TRAPPC10: variants seen among roughly 807,000 people sequenced by gnomAD.
TRAPPC10 encodes TRAPP 130 kDa subunit.
In TRAPPC10, 23 loss-of-function variants were observed where a neutral mutation model predicts 125.5. The observed-to-expected ratio is 0.18, with a 90% confidence interval of 0.13 to 0.26. The LOEUF (loss-of-function observed/expected upper bound fraction) is 0.26, where lower values mean the gene tolerates loss of function less well. Among genes scored for constraint, TRAPPC10 ranks in the 10% least tolerant of loss-of-function variants. The pLI is 1.00. For synonymous variants in TRAPPC10, 509 were observed against 518.0 expected (o/e 0.98, Z 0.24); for missense variants, 1,123 against 1,308.4 (o/e 0.86, Z 2.19).
intron 3 of TRAPPC10, among the ~76,000 whole-genome samples, chr21:44,044,782 G>T (rs2034661499): frequency 6.7e-6 from 1 of 148,996 alleles, no homozygotes; most frequent in Non-Finnish European, 1.5e-5. Context: ...TCCTGCCTCA[G>T]CCTCTGAAGT....
At chr21:44,036,255 A>G (rs1569154003) in intron 2 of TRAPPC10, among the ~76,000 whole-genome samples, 2 of 152,262 alleles carry the variant, frequency 1.3e-5, no homozygotes, top group Admixed American at 6.5e-5. Flanking sequence ...AACCATTTAC[A>G]GTGCAACATA....
intron 2 of TRAPPC10, among the ~76,000 whole-genome samples, chr21:44,034,332 A>ACCCCCCCCCCCCCCCCCCCCC (rs71197877): frequency 9.8e-6 from 1 of 101,552 alleles, no homozygotes; most frequent in Non-Finnish European, 2.1e-5. Flanking sequence ...CACTCCCCCA[A>ACCCCCCCCCCCCCCCCCCCCC]CCCCCCCCCC....
rs930744868 is a variant in TRAPPC10, at chr21:44,082,868, G to A, written c.1804G>A (p.Val602Met). Residue 602 changes from valine (V) to methionine (M), a missense_variant, in exon 14 of 23, where the codon GTG becomes ATG. Physicochemically the swap from Val to Met is conservative, Grantham distance 21. Coordinates refer to ENST00000291574, the MANE Select transcript of TRAPPC10 (RefSeq NM_003274.5). The surrounding 1 kb of genome is among the most constrained non-coding windows in gnomAD (Gnocchi z 4.4). Reference sequence around the variant, plus strand: ...TGATCCCTCCAATGCCGTGGTCCACGTGGGCGGCGTTTTGTGCGTTGAGAT... The same window carrying A: ...TGATCCCTCCAATGCCGTGGTCCACATGGGCGGCGTTTTGTGCGTTGAGAT... ...HFDPSNAVVH[V>M]GGVLCVEITM... is the part of the protein sequence containing the mutation. The A allele has an allele frequency of 1.9e-6, 3 of 1,614,122 alleles. No homozygotes were observed. Among genetic ancestry groups the A allele is most frequent in the South Asian group, 1.1e-5 (1 of 91,072 alleles).
chr21:44,029,259 TA>T (rs2033360997), intron 1 of TRAPPC10, among the ~76,000 whole-genome samples: 2 of 152,086 alleles, frequency 1.3e-5, no homozygotes, highest in Admixed American at 6.5e-5. Flanking sequence ...CACACCCAGC[TA>T]ATTTTTTGTA....
At chr21:44,076,913 A>T (rs181291523) in intron 10 of TRAPPC10, among the ~76,000 whole-genome samples, 24 of 152,332 alleles carry the variant, frequency 1.6e-4, no homozygotes, top group African/African-American at 5.1e-4. Flanking sequence ...AGGCTAGTGA[A>T]TACTTTTCTT....
chr21:44,018,572 G>C (rs188550346), intron 1 of TRAPPC10, among the ~76,000 whole-genome samples: 156 of 151,994 alleles, frequency 1.0e-3, no homozygotes, highest in Non-Finnish European at 1.8e-3. Context: ...GGTGGCTCGC[G>C]TCTGTAGTCC....
intron 1 of TRAPPC10, among the ~76,000 whole-genome samples, chr21:44,020,719 A>C (rs1348437012): frequency 1.3e-5 from 2 of 152,214 alleles, no homozygotes; most frequent in African/African-American, 4.8e-5. Flanking sequence ...TTGGATAGTA[A>C]CTTTAACTCA....
chr21:44,091,549 C>A (rs575382340), intron 18 of TRAPPC10, among the ~76,000 whole-genome samples: 2 of 152,304 alleles, frequency 1.3e-5, no homozygotes, highest in East Asian at 1.9e-4. Context: ...AAGCAATGCT[C>A]GTGCCTCAGC....
At chr21:44,054,578 A>C (rs1166395864) in intron 4 of TRAPPC10, among the ~76,000 whole-genome samples, 2 of 152,224 alleles carry the variant, frequency 1.3e-5, no homozygotes, top group Admixed American at 6.5e-5. Flanking sequence ...ACCAAGGCTA[A>C]AGAAATTTAC....
Position 44,063,131 on chromosome 21 carries a change from A to AC in TRAPPC10, c.791-405dup. ...TGTAATCTAAGGAAGACCAAAAAAC[A>AC]CCAGGATGGTCAGAGCAGGCTGCAC... On this transcript the variant is annotated intron_variant, in intron 6 of 22. Transcript: ENST00000291574. The surrounding 1 kb of genome is among the most constrained non-coding windows in gnomAD (Gnocchi z 4.4). 3.1e-6 allele frequency: 4 copies of AC among 1,306,436 alleles called. No individual in the cohort carries two copies. Among genetic ancestry groups the AC allele is most frequent in the Non-Finnish European group, 4.0e-6 (4 of 991,674 alleles). 80.9% of individuals were successfully genotyped at this position (1,306,436 alleles called of 1,614,324 possible).
Position 44,080,067 on chromosome 21 carries a change from G to A in TRAPPC10, c.1663G>A (p.Glu555Lys). ...CAGTGACCACCACCTCACTGAAGAG[G>A]AGCGCAAGCACTTCTGCCAGGAGAT... ...LASDHHLTEE[E>K]RKHFCQEILD... The change falls in exon 13 of 23, where the codon GAG (glutamate) becomes AAG (lysine). Residue 555 changes from glutamate to lysine, a missense_variant. By Grantham distance (56) the Glu-to-Lys change is moderately conservative. Around this residue, in one of 4 missense-constraint regions of TRAPPC10, gnomAD observed 840 missense variants for 902.0 expected, o/e 0.93. Coordinates refer to ENST00000291574, the MANE Select transcript of TRAPPC10 (RefSeq NM_003274.5). The A allele has an allele frequency of 6.2e-7, 1 of 1,614,148 alleles. No individual in the cohort carries two copies. Among genetic ancestry groups the A allele is most frequent in the Non-Finnish European group, 8.5e-7 (1 of 1,180,030 alleles).
chr21:44,069,156 G>T (rs891308997), intron 7 of TRAPPC10, among the ~76,000 whole-genome samples: 1 of 152,130 alleles, frequency 6.6e-6, no homozygotes, highest in African/African-American at 2.4e-5. Context: ...TGCACCAGCC[G>T]TGAAGGAAGA....
At chr21:44,030,069 C>T (rs574233069) in intron 1 of TRAPPC10, among the ~76,000 whole-genome samples, 5 of 152,340 alleles carry the variant, frequency 3.3e-5, no homozygotes, top group South Asian at 2.1e-4. Flanking sequence ...ATGCGAGAGA[C>T]ATTGCTACTT....
chr21:44,091,320 G>A (rs2038561232), intron 18 of TRAPPC10, among the ~76,000 whole-genome samples: 1 of 152,208 alleles, frequency 6.6e-6, no homozygotes, highest in Non-Finnish European at 1.5e-5. Flanking sequence ...GTCTCCCCGT[G>A]GCTCCCCAAA....
chr21:44,017,153 G>A (rs2031959696), intron 1 of TRAPPC10, among the ~76,000 whole-genome samples: 1 of 152,188 alleles, frequency 6.6e-6, no homozygotes, highest in East Asian at 1.9e-4. Flanking sequence ...TGAAAAGTAG[G>A]AGAAACATTC....
At chr21:44,019,084 T>C (rs1165412410) in intron 1 of TRAPPC10, among the ~76,000 whole-genome samples, 3 of 151,946 alleles carry the variant, frequency 2.0e-5, no homozygotes. Context: ...TAAGACATGG[T>C]CTCACTGTGT....
At chr21:44,033,262 A>T (rs1467380079) in intron 2 of TRAPPC10, among the ~76,000 whole-genome samples, 1 of 152,174 alleles carries the variant, frequency 6.6e-6, no homozygotes, top group Non-Finnish European at 1.5e-5. Context: ...TCTGACCACC[A>T]GTTTGTGCCT....
At chr21:44,047,128 G>A (rs963346509) in intron 3 of TRAPPC10, 11 of 533,690 alleles carry the variant, frequency 2.1e-5, no homozygotes, top group East Asian at 4.0e-5. Context: ...CTCCTTCGGC[G>A]CACTGTGATT....
chr21:44,013,084 A>T (rs2031352391), intron 1 of TRAPPC10, among the ~76,000 whole-genome samples: 1 of 152,016 alleles, frequency 6.6e-6, no homozygotes, highest in African/African-American at 2.4e-5. Context: ...GCTCCTACAC[A>T]CTTCCCCGCC....
Sources: gnomAD v4.1 joint callset for allele counts (sites outside exome capture counted in the v4.1 genomes callset) on GRCh38, gnomAD v4.1.1 for gene constraint, gnomAD v4.1.1 regional missense constraint, Gnocchi (gnomAD v3.1) non-coding constraint, MANE v1.5 for transcripts, NCBI Gene and HGNC (gene_info 2026-07-23, HGNC 2026-07-21) for gene names.